HELZ: variants seen among roughly 807,000 people sequenced by gnomAD.
HELZ encodes the protein ATP-dependent RNA helicase with zinc finger domain.
HELZ carries 23 observed loss-of-function variants against 218.2 expected under a neutral mutation model. That is an observed-to-expected ratio of 0.11 (90% confidence interval 0.08 to 0.15). The LOEUF is 0.15. Among genes scored for constraint, HELZ ranks in the 10% least tolerant of loss-of-function variants. The probability of loss-of-function intolerance (pLI) is 1.00; values close to 1 mark genes in which losing one functional copy is unlikely to be tolerated. For missense variants in HELZ, 1,813 were observed against 2,353.7 expected (o/e 0.77, Z 4.75); for synonymous variants, 814 against 829.4 (o/e 0.98, Z 0.32).
intron 13 of HELZ, among the ~76,000 whole-genome samples, chr17:67,177,360 A>G (rs541113449): frequency 3.3e-5 from 5 of 152,284 alleles, no homozygotes; most frequent in Admixed American, 6.5e-5. Flanking sequence ...TAATAATACT[A>G]AGCTTTTTAG....
intron 28 of HELZ, among the ~76,000 whole-genome samples, chr17:67,111,001 T>C (rs2037264454): frequency 6.6e-6 from 1 of 152,206 alleles, no homozygotes; most frequent in East Asian, 1.9e-4. Flanking sequence ...AGGTGGAATA[T>C]TCCAAGGAGA....
At chr17:67,244,635 G>A (rs1567925260) in intron 1 of HELZ, 1 of 957,612 alleles carries the variant, frequency 1.0e-6, no homozygotes, top group Non-Finnish European at 1.2e-6. Context: ...CCGCGGGGGA[G>A]GGAGGGGGCG....
At chr17:67,107,711 G>A (rs1336073050) in intron 30 of HELZ, 26 bp from the exon 31 acceptor site, 1 of 1,582,194 alleles carries the variant, frequency 6.3e-7, no homozygotes, top group Non-Finnish European at 8.6e-7. Flanking sequence ...AAAATATGAG[G>A]AGAAAACAAA....
intron 5 of HELZ, among the ~76,000 whole-genome samples, chr17:67,210,091 C>T (rs2040412423): frequency 6.6e-6 from 1 of 152,072 alleles, no homozygotes; most frequent in Non-Finnish European, 1.5e-5. Flanking sequence ...ACTATGCTGG[C>T]GCACACTTTG....
rs543753613 is a variant in HELZ, at chr17:67,107,489, T to C, written c.4921A>G (p.Ile1641Val). The C allele has an allele frequency of 1.2e-4, 190 of 1,614,238 alleles. 1 individual carries two copies. In the South Asian group the frequency reaches 1.9e-3, roughly 16 times the overall value. The change falls in exon 31 of 33, where the codon ATT (isoleucine) becomes GTT (valine). Residue 1641 changes from isoleucine (I) to valine (V), a missense_variant. Around this residue, in one of 4 missense-constraint regions of HELZ, gnomAD observed 938 missense variants for 1,027.5 expected, o/e 0.91. Transcript: ENST00000358691. ...FSNFNDNSRD[I>V]EVASNPAFPQ... ...AATGCTGGGTTGCTGGCTACTTCAA[T>C]GTCTCTGCTGTTATCATTAAAGTTA... is the stretch of plus-strand genomic sequence containing the variant.
rs763280305 is a variant in HELZ, at chr17:67,078,412, C to T, written c.5669G>A (p.Gly1890Asp). ...NSSSPQSSAG[G>D]KPAMSYASAL... ...GCTGGCATAGGACATGGCGGGCTTGCCCCCCGCAGAGCTCTGGGGGCTACT... is the reference window on the plus strand; with the variant it reads ...GCTGGCATAGGACATGGCGGGCTTGTCCCCCGCAGAGCTCTGGGGGCTACT... Residue 1890 changes from glycine to aspartate, a missense_variant, in exon 33 of 33, where the codon GGC becomes GAC. Physicochemically the swap from Gly to Asp is moderately conservative, Grantham distance 94. Transcript: ENST00000358691. 1.3e-6 allele frequency: 2 copies of T among 1,599,152 alleles called. No individual in the cohort carries two copies. Among genetic ancestry groups the T allele is most frequent in the African/African-American group, 1.4e-5 (1 of 74,050 alleles).
intron 1 of HELZ, among the ~76,000 whole-genome samples, chr17:67,244,362 C>A (rs1236796435): frequency 6.6e-6 from 1 of 152,128 alleles, no homozygotes. Context: ...ATCAGAGGAC[C>A]CTGGCTTCCA....
In HELZ at chr17:67,201,199, T is replaced by C; in HGVS notation, c.373-14A>G. On this transcript the variant is annotated splice_polypyrimidine_tract_variant and intron_variant, in intron 6 of 32. Coordinates refer to ENST00000358691, the MANE Select transcript of HELZ (RefSeq NM_014877.4). The stretch of plus-strand genomic sequence containing the variant: ...TACCATCCCATTCTGAAAGGGTGAA[T>C]AAAAAAGAGAAGAACCAATTAGTAT... 6.3e-7 allele frequency: 1 copy of C among 1,576,084 alleles called. No individual in the cohort carries two copies. Among genetic ancestry groups the C allele is most frequent in the Non-Finnish European group, 8.7e-7 (1 of 1,148,778 alleles).
intron 3 of HELZ, among the ~76,000 whole-genome samples, chr17:67,238,844 C>A (rs905451614): frequency 1.8e-4 from 27 of 152,148 alleles, no homozygotes; most frequent in Non-Finnish European, 3.2e-4. Flanking sequence ...ATAATAAATA[C>A]TCAAGACTAA....
chr17:67,216,248 T>A (rs2040597469), intron 4 of HELZ, among the ~76,000 whole-genome samples: 1 of 152,184 alleles, frequency 6.6e-6, no homozygotes, highest in Non-Finnish European at 1.5e-5. Flanking sequence ...AGAATTTTCA[T>A]AGACTGTCAC....
At chr17:67,119,990 T>TTCC in intron 27 of HELZ, 1 of 377,130 alleles carries the variant, frequency 2.7e-6, no homozygotes, top group Non-Finnish European at 4.9e-6. Context: ...TTCTCTCCCT[T>TTCC]TTCTTTTTTT....
At chr17:67,091,751 CTT>C (rs1258544921) in intron 31 of HELZ, among the ~76,000 whole-genome samples, 1 of 152,180 alleles carries the variant, frequency 6.6e-6, no homozygotes, top group Non-Finnish European at 1.5e-5. Flanking sequence ...CATGGACACT[CTT>C]ATAATATCAG....
At chr17:67,203,518 C>T (rs2040221540) in intron 5 of HELZ, 75 bp from the exon 6 acceptor site, 2 of 1,530,550 alleles carry the variant, frequency 1.3e-6, no homozygotes, top group Non-Finnish European at 1.8e-6. Flanking sequence ...TATTAACACA[C>T]TATCACAAGC....
chr17:67,165,362 T>C (rs942570405), intron 15 of HELZ, among the ~76,000 whole-genome samples: 1 of 152,126 alleles, frequency 6.6e-6, no homozygotes, highest in Non-Finnish European at 1.5e-5. Flanking sequence ...CTCCTAGGCC[T>C]GGCCCATAAA....
intron 32 of HELZ, among the ~76,000 whole-genome samples, chr17:67,079,300 G>C (rs2036113938): frequency 6.6e-6 from 1 of 152,156 alleles, no homozygotes; most frequent in South Asian, 2.1e-4. Context: ...GAAAATTTCA[G>C]AAAAGTCCAA....
intron 17 of HELZ, 64 bp from the exon 18 acceptor site, chr17:67,151,288 A>T: frequency 1.6e-6 from 2 of 1,235,140 alleles, no homozygotes; most frequent in Non-Finnish European, 2.3e-6. Context: ...CTAGTTATTA[A>T]AACACTGACA....
chr17:67,168,642 T>C (rs1291023545), intron 13 of HELZ, among the ~76,000 whole-genome samples: 1 of 152,234 alleles, frequency 6.6e-6, no homozygotes, highest in Admixed American at 6.5e-5. Context: ...CATGGCTACA[T>C]GGAGGCAGGT....
intron 31 of HELZ, among the ~76,000 whole-genome samples, chr17:67,104,692 CTAAG>C (rs1009498075): frequency 1.4e-4 from 21 of 152,024 alleles, no homozygotes; most frequent in African/African-American, 4.6e-4. Flanking sequence ...CCTCTTATAA[CTAAG>C]TAACAAAAAA....
intron 32 of HELZ, among the ~76,000 whole-genome samples, chr17:67,084,193 C>T (rs551665791): frequency 2.0e-4 from 31 of 152,136 alleles, no homozygotes; most frequent in Non-Finnish European, 3.5e-4. Flanking sequence ...CTAAGTGATA[C>T]TTTCAATTTA....
Sources: gnomAD v4.1 joint callset for allele counts (sites outside exome capture counted in the v4.1 genomes callset) on GRCh38, gnomAD v4.1.1 for gene constraint, gnomAD v4.1.1 regional missense constraint, MANE v1.5 for transcripts, NCBI Gene and HGNC (gene_info 2026-07-23, HGNC 2026-07-21) for gene names.